The following EIF4G3 variants were observed in gnomAD, a reference collection of about 807,000 sequenced individuals.
EIF4G3 encodes eIF-4-gamma 3.
In EIF4G3, 34 loss-of-function variants were observed where a neutral mutation model predicts 186.4. That is an observed-to-expected ratio of 0.18 (90% CI 0.14 to 0.24). The LOEUF (loss-of-function observed/expected upper bound fraction) is 0.24. EIF4G3 is among the 10% of genes least tolerant of loss of function. The pLI is 1.00. For synonymous variants in EIF4G3, 673 were observed against 679.5 expected (o/e 0.99, Z 0.15); for missense variants, 1,536 against 1,948.5 (o/e 0.79, Z 3.99).
chr1:21,076,680 T>C (rs1307237261), intron 3 of EIF4G3, among the ~76,000 whole-genome samples: 1 of 152,004 alleles, frequency 6.6e-6, no homozygotes, highest in East Asian at 1.9e-4. Flanking sequence ...GCCAAGAATA[T>C]ACACAGGAGA....
intron 2 of EIF4G3, among the ~76,000 whole-genome samples, chr1:21,090,961 T>C (rs567994696): frequency 2.0e-5 from 3 of 152,328 alleles, no homozygotes; most frequent in Non-Finnish European, 4.4e-5. Flanking sequence ...TGTCAATTTA[T>C]GCTTTCTCTA....
chr1:20,891,493 C>A (rs1214334691), intron 18 of EIF4G3, among the ~76,000 whole-genome samples: 1 of 151,854 alleles, frequency 6.6e-6, no homozygotes, highest in Non-Finnish European at 1.5e-5. Context: ...ATAAAATGGG[C>A]CGGGCACAGT....
intron 20 of EIF4G3, among the ~76,000 whole-genome samples, chr1:20,867,021 A>G (rs190264262): frequency 6.6e-6 from 1 of 152,356 alleles, no homozygotes; most frequent in African/African-American, 2.4e-5. Flanking sequence ...AACAATATGA[A>G]AATCTAAGCC....
chr1:21,140,981 G>A (rs1053640446), intron 2 of EIF4G3, among the ~76,000 whole-genome samples: 4 of 152,104 alleles, frequency 2.6e-5, no homozygotes, highest in East Asian at 1.9e-4. Context: ...TGATAAATCC[G>A]TAACATATAT....
At chr1:21,141,947 C>A (rs539417604) in intron 2 of EIF4G3, among the ~76,000 whole-genome samples, 13 of 150,852 alleles carry the variant, frequency 8.6e-5, no homozygotes, top group African/African-American at 3.2e-4. Flanking sequence ...AAAAAAAAAA[C>A]AAAATGCTAA....
chr1:20,872,600 A>G (rs1018400871), intron 20 of EIF4G3, among the ~76,000 whole-genome samples: 11 of 152,140 alleles, frequency 7.2e-5, no homozygotes, highest in African/African-American at 2.4e-4. Context: ...GTCAAGATAC[A>G]GAACACTGAA....
At chr1:21,171,744 CT>C (rs1217614471) in intron 2 of EIF4G3, among the ~76,000 whole-genome samples, 3 of 152,132 alleles carry the variant, frequency 2.0e-5, no homozygotes, top group African/African-American at 7.2e-5. Flanking sequence ...AGTCTAGACC[CT>C]ACATTTCAGA....
intron 27 of EIF4G3, among the ~76,000 whole-genome samples, chr1:20,852,661 C>T (rs1265547509): frequency 2.0e-5 from 3 of 152,096 alleles, no homozygotes; most frequent in Admixed American, 6.5e-5. Context: ...AGGAGAGACT[C>T]GGGCAGGAAA....
chr1:20,975,821 A>G (rs1483697211), intron 10 of EIF4G3, among the ~76,000 whole-genome samples: 1 of 152,014 alleles, frequency 6.6e-6, no homozygotes, highest in South Asian at 2.1e-4. Flanking sequence ...ACAGTCTAAG[A>G]GCCAAATCTA....
downstream of EIF4G3, chr1:20,806,317 C>T (rs1287023722): frequency 3.3e-5 from 5 of 152,554 alleles, no homozygotes; most frequent in East Asian, 9.6e-4. Context: ...TGTGCATGCA[C>T]ATACGTGCGC....
intron 7 of EIF4G3, among the ~76,000 whole-genome samples, chr1:20,984,304 T>A (rs75072779): frequency 0.087 from 13,195 of 151,594 alleles, 813 homozygotes; most frequent in East Asian, 0.26. Context: ...TAGCTGGGAC[T>A]ATGGGTGCCC....
intron 29 of EIF4G3, among the ~76,000 whole-genome samples, chr1:20,849,046 CAAAA>C (rs60344352): frequency 1.7e-3 from 29 of 17,376 alleles, no homozygotes; most frequent in African/African-American, 3.5e-3. Context: ...GACTCTGTCT[CAAAA>C]AAAAAAAAAA....
At chr1:21,132,743 A>G (rs1245437943) in intron 2 of EIF4G3, among the ~76,000 whole-genome samples, 1 of 151,912 alleles carries the variant, frequency 6.6e-6, no homozygotes, top group African/African-American at 2.4e-5. Context: ...CCCAGCTTTC[A>G]TAGCTTTTAA....
intron 4 of EIF4G3, among the ~76,000 whole-genome samples, chr1:21,012,397 G>C (rs1472302578): frequency 1.3e-5 from 2 of 152,036 alleles, no homozygotes; most frequent in Non-Finnish European, 2.9e-5. Flanking sequence ...AAGAGAAGTA[G>C]CAAAAATTCT....
At chr1:21,151,236 C>CTTTCT (rs532825299) in intron 2 of EIF4G3, among the ~76,000 whole-genome samples, 7 of 80,442 alleles carry the variant, frequency 8.7e-5, no homozygotes, top group South Asian at 5.4e-4. Context: ...GTATTTCTTT[C>CTTTCT]TTTTTTTTTT....
chr1:20,920,732 C>T (rs2094425885), intron 14 of EIF4G3, among the ~76,000 whole-genome samples: 1 of 152,128 alleles, frequency 6.6e-6, no homozygotes, highest in South Asian at 2.1e-4. Flanking sequence ...AAAACTTCCA[C>T]CGAGAGCTTG....
chr1:21,102,121 A>C (rs903979744), intron 2 of EIF4G3, among the ~76,000 whole-genome samples: 25 of 152,156 alleles, frequency 1.6e-4, no homozygotes, highest in Non-Finnish European at 2.5e-4. Flanking sequence ...TCTGAGGAAA[A>C]AAGACAAACA....
In EIF4G3 at chr1:20,831,272, A is replaced by G. The variant is rs1473436593; in HGVS notation, c.4062-2000T>C. 3.2e-5 allele frequency among the ~76,000 whole-genome samples: 4 copies of G among 126,178 alleles called. No individual in the cohort carries two copies. The East Asian group carries it at 8.7e-4, about 27-fold the overall frequency. The allele number at this position is 126,178 out of a possible 152,430, so 82.8% of individuals were successfully genotyped here. On this transcript the variant is annotated intron_variant, in intron 30 of 36. Coordinates refer to ENST00000602326, the MANE Select transcript of EIF4G3 (RefSeq NM_001391906.1). ...AAAGGGATACATGATTAAAAGAAAA[A>G]TATTAATTTTTTTTTTTTTTTTTTT...
At chr1:20,856,414 A>C (rs1381909730) in intron 25 of EIF4G3, among the ~76,000 whole-genome samples, 1 of 152,252 alleles carries the variant, frequency 6.6e-6, no homozygotes. Flanking sequence ...TAAGGATCAA[A>C]CTAGACTTGC....
Sources: allele counts gnomAD v4.1 joint callset (sites outside exome capture counted in the v4.1 genomes callset), GRCh38; gene constraint gnomAD v4.1.1; transcripts MANE v1.5; gene names NCBI Gene and HGNC (gene_info 2026-07-23, HGNC 2026-07-21).